Variants in SNAP91 observed in about 807,000 individuals in gnomAD.
SNAP91 encodes synaptosome associated protein 91.
Under a neutral mutation model 100.3 loss-of-function variants are expected in SNAP91, and 27 were observed. The observed-to-expected ratio is 0.27, with a 90% CI of 0.20 to 0.37. SNAP91 has a LOEUF of 0.37. SNAP91 is among the 10% of genes least tolerant of loss of function. The pLI, the probability that SNAP91 is intolerant of heterozygous loss-of-function variation, is 1.00. For missense variants in SNAP91, 986 were observed against 1,123.7 expected, an observed-to-expected ratio of 0.88 and a Z score of 1.75; for synonymous variants, 404 against 398.6, an observed-to-expected ratio of 1.01 and a Z score of -0.16.
intron 26 of SNAP91, among the ~76,000 whole-genome samples, chr6:83,562,409 T>C (rs1019648527): frequency 1.3e-5 from 2 of 152,154 alleles, no homozygotes; most frequent in South Asian, 2.1e-4. Context: ...ACCATATTAA[T>C]AGAATAAAAG....
chr6:83,704,753 A>G (rs1049231395), intron 2 of SNAP91, among the ~76,000 whole-genome samples: 6 of 152,248 alleles, frequency 3.9e-5, no homozygotes, highest in East Asian at 1.9e-4. Context: ...ACTCCAAACT[A>G]AAAAGTTATA....
chr6:83,690,278 A>T, intron 2 of SNAP91: 1 of 1,181,782 alleles, frequency 8.5e-7, no homozygotes, highest in Non-Finnish European at 1.1e-6. Flanking sequence ...ACTGTGATCC[A>T]AAACAAATGT....
intron 3 of SNAP91, among the ~76,000 whole-genome samples, chr6:83,663,657 A>T (rs1288703257): frequency 1.3e-5 from 2 of 152,174 alleles, no homozygotes; most frequent in African/African-American, 4.8e-5. Flanking sequence ...AGGTTTAAGG[A>T]AAGAAGCCAT....
At chr6:83,605,564 C>T (rs952272490) in intron 14 of SNAP91, 121 bp downstream of exon 14, 10 of 1,310,564 alleles carry the variant, frequency 7.6e-6, no homozygotes, top group African/African-American at 1.5e-5. Context: ...TTAACATTTT[C>T]CCTCCAAGTT....
intron 11 of SNAP91, among the ~76,000 whole-genome samples, chr6:83,611,863 ATTTTTTTTTTTTT>A (rs750966269): frequency 7.7e-5 from 7 of 91,250 alleles, no homozygotes; most frequent in South Asian, 3.9e-4. Context: ...CGCCCGGCTA[ATTTTTTTTTTTTT>A]TTTTTTTTTT....
At chr6:83,583,899 T>C (rs1221202251) in intron 22 of SNAP91, among the ~76,000 whole-genome samples, 2 of 152,214 alleles carry the variant, frequency 1.3e-5, no homozygotes, top group South Asian at 2.1e-4. Context: ...CATATGTGTA[T>C]GAAAAAATTT....
At chr6:83,634,222 G>A (rs892212424) in intron 8 of SNAP91, among the ~76,000 whole-genome samples, 2 of 152,238 alleles carry the variant, frequency 1.3e-5, no homozygotes, top group Admixed American at 6.5e-5. Flanking sequence ...AGGCAAAAAC[G>A]GCTTGCTAGG....
chr6:83,595,258 T>G (rs2094326637), intron 16 of SNAP91, among the ~76,000 whole-genome samples: 1 of 152,164 alleles, frequency 6.6e-6, no homozygotes, highest in South Asian at 2.1e-4. Context: ...TTTAAAGACA[T>G]AAAGAGATAA....
chr6:83,633,940 T>C lies in SNAP91; in HGVS notation c.765+7156A>G, dbSNP rs1039160190. On this transcript the variant is annotated intron_variant, in intron 8 of 29. Coordinates refer to ENST00000369694, the MANE Select transcript of SNAP91 (RefSeq NM_001242792.2). Reference sequence around the variant, plus strand: ...ACACAGGAAGGGGAACATCACACACTGGGAACTGTTGTGGGTGGGGGGAGG... The same window carrying C: ...ACACAGGAAGGGGAACATCACACACCGGGAACTGTTGTGGGTGGGGGGAGG... Among the ~76,000 whole-genome samples the C allele has an allele frequency of 2.4e-5, 3 of 125,068 alleles. No homozygotes were observed. The Admixed American group carries it at 2.5e-4, about 10-fold the overall frequency. 82.0% of individuals were successfully genotyped at this position (125,068 alleles called of 152,430 possible). A position where few individuals can be genotyped will look rare whatever the true frequency, so the allele number is the denominator to read the frequency against.
At chr6:83,568,432 C>A (rs933215137) in intron 26 of SNAP91, among the ~76,000 whole-genome samples, 4 of 151,652 alleles carry the variant, frequency 2.6e-5, no homozygotes, top group Admixed American at 2.0e-4. Flanking sequence ...CAACATGGCA[C>A]ATGTATACAT....
At chr6:83,582,419 CT>C (rs1328490189) in intron 22 of SNAP91, 63 bp from the exon 23 acceptor site, 5 of 1,505,562 alleles carry the variant, frequency 3.3e-6, no homozygotes, top group Non-Finnish European at 3.6e-6. Flanking sequence ...GCCATAAAAA[CT>C]GAATTTAAAA....
intron 2 of SNAP91, among the ~76,000 whole-genome samples, chr6:83,697,035 T>C (rs2099223364): frequency 1.3e-5 from 2 of 152,180 alleles, no homozygotes. Context: ...TTGCTTTCTT[T>C]ACAAAGGCAA....
At chr6:83,602,568 T>C (rs1003806198) in intron 14 of SNAP91, among the ~76,000 whole-genome samples, 4 of 152,314 alleles carry the variant, frequency 2.6e-5, no homozygotes, top group African/African-American at 9.6e-5. Context: ...AACACATATC[T>C]GTTACAATTT....
At chr6:83,629,861 G>T (rs748708465) in intron 8 of SNAP91, among the ~76,000 whole-genome samples, 1 of 151,988 alleles carries the variant, frequency 6.6e-6, no homozygotes, top group Non-Finnish European at 1.5e-5. Context: ...TTGTTTGATT[G>T]CTCTGGCTAG....
chr6:83,663,963 T>C (rs2098619667), intron 3 of SNAP91, among the ~76,000 whole-genome samples: 1 of 152,124 alleles, frequency 6.6e-6, no homozygotes, highest in African/African-American at 2.4e-5. Flanking sequence ...TCTGAAAATC[T>C]AGGGCCCTTA....
intron 29 of SNAP91, among the ~76,000 whole-genome samples, chr6:83,555,800 A>C (rs1035598062): frequency 4.6e-5 from 7 of 152,174 alleles, no homozygotes; most frequent in Admixed American, 6.6e-5. Context: ...TAAATGCAAT[A>C]GTATAAATGT....
At chr6:83,589,978 G>A (rs1181221477) in intron 22 of SNAP91, among the ~76,000 whole-genome samples, 1 of 152,162 alleles carries the variant, frequency 6.6e-6, no homozygotes. Flanking sequence ...CTTTATCAAG[G>A]TCTACATGGC....
At chr6:83,605,937 G>T in intron 13 of SNAP91, 134 bp from the exon 14 acceptor site, 2 of 808,150 alleles carry the variant, frequency 2.5e-6, no homozygotes, top group Non-Finnish European at 3.8e-6. Flanking sequence ...ACTTTGGAAA[G>T]TATAGAGCTA....
At chr6:83,578,003 C>T (rs1297213691) in intron 24 of SNAP91, among the ~76,000 whole-genome samples, 2 of 152,166 alleles carry the variant, frequency 1.3e-5, no homozygotes. Flanking sequence ...CGACTTCTTT[C>T]ACTTGGCATG....
Sources: gnomAD v4.1 joint callset for allele counts (sites outside exome capture counted in the v4.1 genomes callset) on GRCh38, gnomAD v4.1.1 for gene constraint, MANE v1.5 for transcripts, NCBI Gene and HGNC (gene_info 2026-07-23, HGNC 2026-07-21) for gene names.